The following CDH23 variants were observed in gnomAD, a reference collection of about 807,000 sequenced individuals.
CDH23 encodes the protein cadherin related 23.
Under a neutral mutation model 317.1 loss-of-function variants are expected in CDH23, and 189 were observed. That is an observed-to-expected ratio of 0.60 (90% confidence interval 0.53 to 0.67). The LOEUF is 0.67. Among genes scored for constraint, CDH23 ranks in the 30% least tolerant of loss-of-function variants. CDH23 has a pLI of 0.00. For missense variants in CDH23, 4,401 were observed against 4,592.4 expected, an observed-to-expected ratio of 0.96 and a Z score of 1.20; for synonymous variants, 1,839 against 1,876.8, an observed-to-expected ratio of 0.98 and a Z score of 0.52.
intron 6 of CDH23, among the ~76,000 whole-genome samples, chr10:71,530,445 C>T (rs1172515916): frequency 6.6e-6 from 1 of 152,244 alleles, no homozygotes; most frequent in Non-Finnish European, 1.5e-5. Context: ...CTCCACCCGC[C>T]GCCTGGCCTG....
chr10:71,511,814 T>G (rs1038107654), intron 6 of CDH23: 1 of 155,610 alleles, frequency 6.4e-6, no homozygotes, highest in Admixed American at 6.2e-5. Flanking sequence ...CAGCTCCCGA[T>G]GGCACCAGGG....
rs1429062157 is a variant in CDH23, at chr10:71,702,638, C to T, written c.2677C>T (p.Leu893=). Residue 893 remains leucine (L), a synonymous_variant, in exon 24 of 70, where the codon CTG becomes TTG. Coordinates refer to ENST00000224721, the MANE Select transcript of CDH23 (RefSeq NM_022124.6). ...LNDNDPTFQN[L]PFVAEVLEGI... is the part of the protein sequence containing the mutation. ...TGACAATGACCCCACCTTTCAGAACCTGCCTTTTGTGGCCGAGGTGCTTGA... is the reference window on the plus strand; with the variant it reads ...TGACAATGACCCCACCTTTCAGAACTTGCCTTTTGTGGCCGAGGTGCTTGA... 5 of 1,613,856 alleles carry T rather than the reference C, an allele frequency of 3.1e-6. No individual in the cohort carries two copies. The African/African-American group carries it at 5.3e-5, about 17-fold the overall frequency.
intron 9 of CDH23, among the ~76,000 whole-genome samples, chr10:71,598,366 T>C (rs1859997061): frequency 6.6e-6 from 1 of 152,236 alleles, no homozygotes; most frequent in South Asian, 2.1e-4. Context: ...CTCTTTTCTA[T>C]GAGTGCTGAG....
At chr10:71,486,968 T>C (rs998705213) in intron 3 of CDH23, among the ~76,000 whole-genome samples, 2 of 152,118 alleles carry the variant, frequency 1.3e-5, no homozygotes, top group Non-Finnish European at 2.9e-5. Context: ...CAATCACTCA[T>C]TGGGCACAGA....
intron 60 of CDH23, among the ~76,000 whole-genome samples, chr10:71,808,415 T>G (rs1841809040): frequency 6.6e-6 from 1 of 152,212 alleles, no homozygotes. Context: ...TCTGTCCACC[T>G]ACCCATCTTC....
At chr10:71,514,212 G>T (rs1431969119) in intron 6 of CDH23, among the ~76,000 whole-genome samples, 1 of 152,176 alleles carries the variant, frequency 6.6e-6, no homozygotes, top group Non-Finnish European at 1.5e-5. Flanking sequence ...TGCCCCAGCA[G>T]AATTTCCCAG....
chr10:71,524,492 G>A (rs1854908739), intron 6 of CDH23, among the ~76,000 whole-genome samples: 1 of 152,202 alleles, frequency 6.6e-6, no homozygotes, highest in African/African-American at 2.4e-5. Context: ...GGCAAAAGGA[G>A]GATGCCTTGC....
intron 22 of CDH23, 107 bp from the exon 23 acceptor site, chr10:71,701,915 G>A (rs1166907157): frequency 1.7e-6 from 2 of 1,191,214 alleles, no homozygotes; most frequent in Non-Finnish European, 2.4e-6. Context: ...CCAGAGCCAG[G>A]ATGTCCCCTC....
At chr10:71,722,892 G>C (rs116245248) in intron 28 of CDH23, among the ~76,000 whole-genome samples, 1 of 152,162 alleles carries the variant, frequency 6.6e-6, no homozygotes, top group African/African-American at 2.4e-5. Flanking sequence ...GTGGGGCCCA[G>C]GGATGTGCAA....
At chr10:71,410,557 T>C (rs1848303955) in intron 1 of CDH23, among the ~76,000 whole-genome samples, 1 of 152,202 alleles carries the variant, frequency 6.6e-6, no homozygotes, top group Non-Finnish European at 1.5e-5. Flanking sequence ...TGCAGAAAAG[T>C]GTGCAAATGT....
chr10:71,773,268 G>A (rs1589413246), intron 38 of CDH23: 1 of 1,402,956 alleles, frequency 7.1e-7, no homozygotes, highest in African/African-American at 1.5e-5. Flanking sequence ...GGCTGAGAGG[G>A]CCCCCAGGAC....
intron 11 of CDH23, among the ~76,000 whole-genome samples, chr10:71,621,842 C>T (rs1861480267): frequency 6.6e-6 from 1 of 152,168 alleles, no homozygotes; most frequent in Non-Finnish European, 1.5e-5. Context: ...TTTCTGTCTC[C>T]CAAGGACTCC....
chr10:71,677,090 G>T (rs1255837140), intron 15 of CDH23, among the ~76,000 whole-genome samples: 1 of 152,124 alleles, frequency 6.6e-6, no homozygotes, highest in Admixed American at 6.5e-5. Flanking sequence ...CCCATTCCTA[G>T]CATTCTGGTG....
In CDH23 at chr10:71,566,866, G is replaced by T. The variant is rs1205912682; in HGVS notation, c.554G>T (p.Gly185Val). 6.2e-7 allele frequency: 1 copy of T among 1,613,954 alleles called. No homozygotes were observed. Among genetic ancestry groups the T allele is most frequent in the Non-Finnish European group, 8.5e-7 (1 of 1,179,882 alleles). The part of the protein sequence containing the change: ...SQFFAIDSAR[G>V]IVTVIRELDY... ...TTCTTCGCCATTGACAGCGCCCGCG[G>T]TATCGTCACAGTGATCCGGGAGCTG... Residue 185 changes from glycine to valine, a missense_variant, in exon 7 of 70, where the codon GGT (glycine) becomes GTT (valine). Physicochemically the swap from Gly to Val is moderately radical, Grantham distance 109. This residue lies in a region of CDH23 where 3,068 missense variants were observed against 3,203.3 expected (regional missense o/e 0.96). Coordinates refer to ENST00000224721, the MANE Select transcript of CDH23 (RefSeq NM_022124.6).
At chr10:71,747,278 T>C (rs938757338) in intron 38 of CDH23, among the ~76,000 whole-genome samples, 1 of 152,164 alleles carries the variant, frequency 6.6e-6, no homozygotes, top group African/African-American at 2.4e-5. Context: ...AGCTCCACAG[T>C]TGGCAGGCAG....
intron 56 of CDH23, 28 bp downstream of exon 56, chr10:71,806,025 G>T: frequency 6.4e-7 from 1 of 1,566,598 alleles, no homozygotes; most frequent in South Asian, 1.2e-5. Context: ...TGCGAGGGGC[G>T]GGGTCTGGGG....
chr10:71,691,187 T>C (rs1223162522), intron 20 of CDH23, among the ~76,000 whole-genome samples: 1 of 152,220 alleles, frequency 6.6e-6, no homozygotes. Context: ...CGTCTCTCCA[T>C]GTACATTCCT....
chr10:71,517,613 T>G (rs7098788), intron 6 of CDH23, among the ~76,000 whole-genome samples: 111,627 of 152,192 alleles, frequency 0.73, 42,245 homozygotes, highest in African/African-American at 0.92. Context: ...GGCCCCTGAG[T>G]TGACAGCTCC....
In CDH23 at chr10:71,807,396, C is replaced by T. The variant is rs2132987936; in HGVS notation, c.8298C>T (p.Tyr2766=). The T allele has an allele frequency of 4.3e-6, 7 of 1,613,928 alleles. No individual in the cohort carries two copies. Among genetic ancestry groups the T allele is most frequent in the Non-Finnish European group, 5.9e-6 (7 of 1,179,830 alleles). ...AGGGCCCCAACGCGATCGTGTACTACTTCATCGCAGGTGGGGCCAGACAGA... is the reference window on the plus strand; with the variant it reads ...AGGGCCCCAACGCGATCGTGTACTATTTCATCGCAGGTGGGGCCAGACAGA... ...ADEGPNAIVY[Y]FIAAGNEEKN... is the part of the protein sequence containing the mutation. Residue 2766 remains tyrosine (Y), a synonymous_variant, in exon 58 of 70, where the codon TAC becomes TAT. Coordinates refer to ENST00000224721, the MANE Select transcript of CDH23 (RefSeq NM_022124.6).
Sources: gnomAD v4.1 joint callset for allele counts (sites outside exome capture counted in the v4.1 genomes callset) on GRCh38, gnomAD v4.1.1 for gene constraint, gnomAD v4.1.1 regional missense constraint, MANE v1.5 for transcripts, NCBI Gene and HGNC (gene_info 2026-07-23, HGNC 2026-07-21) for gene names.